Variants in BAHD1 observed in about 807,000 individuals in gnomAD.
BAHD1 encodes bromo adjacent homology domain-containing 1 protein.
Under a neutral mutation model 63.1 loss-of-function variants are expected in BAHD1, and 20 were observed. The observed-to-expected ratio is 0.32, with a 90% CI of 0.22 to 0.46. The LOEUF is 0.46. BAHD1 is among the 20% of genes least tolerant of loss of function. The pLI is 1.00. For missense variants in BAHD1, 939 were observed against 1,071.8 expected (o/e 0.88, Z 1.73); for synonymous variants, 408 against 426.8 (o/e 0.96, Z 0.54).
upstream of BAHD1, among the ~76,000 whole-genome samples, chr15:40,440,581 G>A (rs1278936327): frequency 1.4e-5 from 2 of 140,228 alleles, no homozygotes; most frequent in African/African-American, 5.2e-5. Context: ...TTCCGGGGGG[G>A]CTAGCAGCTG....
At chr15:40,462,790 C>G (rs1024132189) in intron 3 of BAHD1, among the ~76,000 whole-genome samples, 1 of 152,008 alleles carries the variant, frequency 6.6e-6, no homozygotes, top group Non-Finnish European at 1.5e-5. Flanking sequence ...GCCAGGAGTT[C>G]AAGACGAGCC....
chr15:40,464,325 T>TA, intron 4 of BAHD1, 146 bp from the exon 5 acceptor site: 1 of 723,606 alleles, frequency 1.4e-6, no homozygotes, highest in Non-Finnish European at 2.3e-6. Context: ...GGCCTCTGAA[T>TA]GCTTGGCCTG....
intron 5 of BAHD1, chr15:40,464,917 T>G (rs1175442038): frequency 1.3e-5 from 5 of 378,410 alleles, no homozygotes; most frequent in Non-Finnish European, 2.4e-5. Flanking sequence ...GAGGAAAGAC[T>G]CCTCCTAACA....
intron 1 of BAHD1, among the ~76,000 whole-genome samples, chr15:40,455,419 T>C (rs1477604051): frequency 6.6e-6 from 1 of 152,184 alleles, no homozygotes; most frequent in African/African-American, 2.4e-5. Context: ...AAGTGGAAGC[T>C]GTGTAGTCAA....
rs559613550 is a variant in BAHD1 at position 40,466,258 on chromosome 15, G to C, written c.*128G>C. The C allele has an allele frequency of 8.9e-5, 79 of 888,878 alleles. 1 individual carries two copies. The highest frequency in any genetic ancestry group is 3.9e-4 in the Middle Eastern group (1 of 2,576). The allele number at this position is 888,878 out of a possible 1,614,324, so 55.1% of individuals were successfully genotyped here. On this transcript the variant is annotated 3_prime_UTR_variant, in exon 7 of 7. Coordinates refer to ENST00000416165, the MANE Select transcript of BAHD1 (RefSeq NM_014952.5). ...GTTTGCTGGCCTGTGGTTTTCTTGGGGGGGAGGGCAGGGGCCCCTGTGGGT... is the reference window on the plus strand; with the variant it reads ...GTTTGCTGGCCTGTGGTTTTCTTGGCGGGGAGGGCAGGGGCCCCTGTGGGT...
At chr15:40,449,128 C>T (rs1322238518) in intron 1 of BAHD1, among the ~76,000 whole-genome samples, 1 of 152,156 alleles carries the variant, frequency 6.6e-6, no homozygotes, top group African/African-American at 2.4e-5. Context: ...CCTTTTAACT[C>T]TTTGTACCTG....
chr15:40,465,911 G>C (rs752637152), intron 6 of BAHD1, 30 bp from the exon 7 acceptor site: 3 of 1,539,508 alleles, frequency 1.9e-6, no homozygotes, highest in Non-Finnish European at 2.6e-6. Flanking sequence ...AGTGGCTGGA[G>C]TAAAGACAGT....
intron 2 of BAHD1, 40 bp downstream of exon 2, chr15:40,459,936 G>A: frequency 2.6e-6 from 4 of 1,527,482 alleles, no homozygotes; most frequent in Non-Finnish European, 2.6e-6. Context: ...GGGAGTCTCG[G>A]AGACATGGCA....
chr15:40,451,208 A>G (rs189590030), intron 1 of BAHD1, among the ~76,000 whole-genome samples: 2 of 151,956 alleles, frequency 1.3e-5, no homozygotes, highest in East Asian at 3.9e-4. Context: ...CCTGCATCCA[A>G]ACATTTATGA....
At position 40,466,153 on chromosome 15, in the gene BAHD1, C is replaced by T. The variant is rs749611114; in HGVS notation, c.*23C>T. ...TAGCCTCCTCATGCCCATGCTGGGG[C>T]TACCCATGGGCAAGTGGGGCTCGGG... is the stretch of plus-strand genomic sequence containing the variant. On this transcript the variant is annotated 3_prime_UTR_variant, in exon 7 of 7. Coordinates refer to ENST00000416165, the MANE Select transcript of BAHD1 (RefSeq NM_014952.5). The T allele has an allele frequency of 6.2e-7, 1 of 1,605,398 alleles. No homozygotes were observed. Among genetic ancestry groups the T allele is most frequent in the South Asian group, 1.1e-5 (1 of 89,688 alleles).
At position 40,466,016 on chromosome 15, in the gene BAHD1, C is replaced by G; in HGVS notation, c.2229C>G (p.Asp743Glu). The change falls in exon 7 of 7, where the codon GAC becomes GAG. Residue 743 changes from aspartate (D) to glutamate (E), a missense_variant. Physicochemically the swap from Asp to Glu is conservative, Grantham distance 45 (BLOSUM62 2). Around this residue, in one of 5 missense-constraint regions of BAHD1, gnomAD observed 68 missense variants for 86.2 expected, o/e 0.79. Transcript: ENST00000416165. Reference protein sequence around the residue: ...RKTALVPPSADYSTPPHRTVP... With the variant: ...RKTALVPPSAEYSTPPHRTVP... ...CAGCACTGGTTCCCCCCTCTGCAGA[C>G]TATTCCACCCCACCCCACCGCACAG... 1 of 1,614,010 alleles carries G rather than the reference C, an allele frequency of 6.2e-7. No individual in the cohort carries two copies. Among genetic ancestry groups the G allele is most frequent in the South Asian group, 1.1e-5 (1 of 91,082 alleles).
In BAHD1 at chr15:40,443,405, T is replaced by A. The variant is rs573417603; in HGVS notation, c.-15+2137T>A. 2.9e-5 allele frequency: 23 copies of A among 798,170 alleles called. No homozygotes were observed. In the Admixed American group the frequency reaches 5.6e-4, roughly 19 times the overall value. The allele number at this position is 798,170 out of a possible 1,614,324, so 49.4% of individuals were successfully genotyped here. On this transcript the variant is annotated intron_variant, in intron 1 of 6. Transcript: ENST00000416165. ...ATGTCTAAAATCCAGAGAGTGATGA[T>A]GAATCTCAAGGCCTTTGTGCCTTCT...
upstream of BAHD1, among the ~76,000 whole-genome samples, chr15:40,440,828 C>T (rs1323471892): frequency 6.6e-6 from 1 of 152,034 alleles, no homozygotes; most frequent in African/African-American, 2.4e-5. Context: ...AGCCGAGGGC[C>T]GGATTGGCTG....
chr15:40,459,047 C>T lies in BAHD1; in HGVS notation c.583C>T (p.Arg195Ter). Residue 195 changes from arginine to a stop codon, truncating the protein, a stop_gained, in exon 2 of 7, where the codon CGA (arginine) becomes TGA (stop). Transcript: ENST00000416165. LOFTEE classifies it high-confidence loss of function. ...PEPAPDEGPR[R>*]DGDPAPKRLA... ...GCCAGCACCCGATGAAGGTCCCCGCCGAGATGGAGACCCAGCTCCCAAGAG... is the reference window on the plus strand; with the variant it reads ...GCCAGCACCCGATGAAGGTCCCCGCTGAGATGGAGACCCAGCTCCCAAGAG... 1 of 1,607,050 alleles carries T rather than the reference C, an allele frequency of 6.2e-7. No individual in the cohort carries two copies. The highest frequency in any genetic ancestry group is 8.5e-7 in the Non-Finnish European group (1 of 1,175,942).
intron 1 of BAHD1, among the ~76,000 whole-genome samples, chr15:40,442,079 C>T (rs968163601): frequency 1.1e-4 from 17 of 152,156 alleles, no homozygotes; most frequent in Non-Finnish European, 2.2e-4. Context: ...CAGCGGGACC[C>T]TGTGCTCGCG....
chr15:40,441,085 C>T lies in BAHD1; in HGVS notation c.-198C>T, dbSNP rs1033591261. On this transcript the variant is annotated 5_prime_UTR_variant, in exon 1 of 7. Transcript: ENST00000416165. ...CCCCGGCCAGGCGCGCCCGCCCCCC[C>T]CGACGGCCCCGCCCGGCCGCGGTCC... The T allele has an allele frequency of 2.0e-5, 3 of 146,804 alleles. No homozygotes were observed. Among genetic ancestry groups the T allele is most frequent in the Admixed American group, 1.4e-4 (2 of 14,746 alleles). The allele number at this position is 146,804 out of a possible 1,614,324, so 9.1% of individuals were successfully genotyped here. A position where few individuals can be genotyped will look rare whatever the true frequency, so the allele number is the denominator to read the frequency against.
rs571333760 is a variant in BAHD1 at position 40,467,152 on chromosome 15, C to T, written c.*1022C>T. ...ATCAACACTGTATCAGTCCACGGAC[C>T]TGCTGAGCTGCAGCCACTTGCTCTA... On this transcript the variant is annotated 3_prime_UTR_variant, in exon 7 of 7. Transcript: ENST00000416165. The T allele has an allele frequency of 6.5e-6, 1 of 152,816 alleles. No homozygotes were observed. The highest frequency in any genetic ancestry group is 1.5e-5 in the Non-Finnish European group (1 of 68,084). The allele number at this position is 152,816 out of a possible 1,614,324, so 9.5% of individuals were successfully genotyped here.
intron 3 of BAHD1, among the ~76,000 whole-genome samples, chr15:40,463,168 G>A (rs898167259): frequency 1.3e-5 from 2 of 152,090 alleles, no homozygotes; most frequent in South Asian, 2.1e-4. Flanking sequence ...AGCCAGGCAT[G>A]GTAGCATGCA....
intron 1 of BAHD1, among the ~76,000 whole-genome samples, chr15:40,455,892 G>A (rs1488515385): frequency 6.6e-6 from 1 of 152,236 alleles, no homozygotes; most frequent in African/African-American, 2.4e-5. Flanking sequence ...GCTTCTCGTT[G>A]CATGCTCCTC....
Sources: gnomAD v4.1 joint callset for allele counts (sites outside exome capture counted in the v4.1 genomes callset) on GRCh38, gnomAD v4.1.1 for gene constraint, gnomAD v4.1.1 regional missense constraint, MANE v1.5 for transcripts, NCBI Gene and HGNC (gene_info 2026-07-23, HGNC 2026-07-21) for gene names.